The following ZNF536 variants were observed in gnomAD, a reference collection of about 807,000 sequenced individuals.
The protein encoded by ZNF536 is zinc finger protein 536.
In ZNF536, 13 loss-of-function variants were observed where a neutral mutation model predicts 84.5. The ratio of observed to expected loss-of-function variants is 0.15; its 90% CI spans 0.10 to 0.24. The LOEUF is 0.24. Among genes scored for constraint, ZNF536 ranks in the 10% least tolerant of loss-of-function variants. ZNF536 has a pLI of 1.00. For missense variants in ZNF536, 1,536 were observed against 1,747.5 expected, an observed-to-expected ratio of 0.88 and a Z score of 2.16; for synonymous variants, 811 against 742.5, an observed-to-expected ratio of 1.09 and a Z score of -1.50.
At chr19:30,522,507 T>G (rs958065640) in intron 2 of ZNF536, among the ~76,000 whole-genome samples, 1 of 148,900 alleles carries the variant, frequency 6.7e-6, no homozygotes, top group Non-Finnish European at 1.5e-5. Context: ...CACTGTTTAC[T>G]CTTCAATAAA....
intron 1 of ZNF536, among the ~76,000 whole-genome samples, chr19:30,251,381 G>GAA (rs1322319074): frequency 6.6e-6 from 1 of 152,122 alleles, no homozygotes; most frequent in East Asian, 1.9e-4. Flanking sequence ...ATGGCCTTAG[G>GAA]AAAAGAGCCA....
chr19:30,422,597 G>C (rs752389340), intron 1 of ZNF536, among the ~76,000 whole-genome samples: 1 of 152,082 alleles, frequency 6.6e-6, no homozygotes, highest in Non-Finnish European at 1.5e-5. Flanking sequence ...GAGGAGACTT[G>C]TCCAGGCTTA....
At chr19:30,227,808 C>T (rs2022703866), upstream of ZNF536, among the ~76,000 whole-genome samples, 1 of 151,748 alleles carries the variant, frequency 6.6e-6, no homozygotes, top group Non-Finnish European at 1.5e-5. Flanking sequence ...TTGCTGAGCG[C>T]ATCCGGCGGC....
intron 1 of ZNF536, among the ~76,000 whole-genome samples, chr19:30,250,350 C>T (rs7254263): frequency 0.29 from 44,395 of 152,046 alleles, 6,747 homozygotes; most frequent in East Asian, 0.4. Context: ...GGAACATATA[C>T]ATTAATAGGT....
intron 1 of ZNF536, among the ~76,000 whole-genome samples, chr19:30,634,458 T>C (rs950865349): frequency 6.6e-6 from 1 of 151,980 alleles, no homozygotes; most frequent in African/African-American, 2.4e-5. Flanking sequence ...CCTTGAGAAG[T>C]TCCTGCCATG....
chr19:30,550,127 T>G (rs942867823), intron 4 of ZNF536, among the ~76,000 whole-genome samples: 1 of 152,180 alleles, frequency 6.6e-6, no homozygotes, highest in Admixed American at 6.5e-5. Flanking sequence ...TGCCTTCTGT[T>G]TGTCTGTCTG....
intron 1 of ZNF536, among the ~76,000 whole-genome samples, chr19:30,431,194 C>A (rs1281045210): frequency 1.3e-5 from 2 of 152,180 alleles, no homozygotes; most frequent in Non-Finnish European, 2.9e-5. Context: ...GCCAGCTCCC[C>A]CAGAACCTGC....
chr19:30,598,866 T>C (rs1275069060), intron 1 of ZNF536, among the ~76,000 whole-genome samples: 5 of 152,158 alleles, frequency 3.3e-5, no homozygotes, highest in Admixed American at 6.5e-5. Flanking sequence ...TTCCTTCCCT[T>C]CTTCCTCACT....
chr19:30,454,158 G>C (rs1299362897), intron 2 of ZNF536, among the ~76,000 whole-genome samples: 1 of 152,234 alleles, frequency 6.6e-6, no homozygotes, highest in African/African-American at 2.4e-5. Flanking sequence ...GTGCCATGGG[G>C]CCCAGGGCAT....
intron 1 of ZNF536, among the ~76,000 whole-genome samples, chr19:30,416,747 C>T (rs1421348909): frequency 2.0e-5 from 3 of 152,166 alleles, no homozygotes; most frequent in East Asian, 1.9e-4. Context: ...CTGTGTCTTT[C>T]CAGGTCCCTG....
intron 1 of ZNF536, among the ~76,000 whole-genome samples, chr19:30,569,559 C>CTTTGTTTTT (rs2046467073): frequency 1.8e-5 from 1 of 55,106 alleles, no homozygotes; most frequent in Non-Finnish European, 3.3e-5. Flanking sequence ...GATAAACGTT[C>CTTTGTTTTT]TTTTTTTTTT....
chr19:30,496,963 A>C (rs942499410), intron 2 of ZNF536, among the ~76,000 whole-genome samples: 2 of 152,194 alleles, frequency 1.3e-5, no homozygotes, highest in African/African-American at 4.8e-5. Flanking sequence ...CCTCAGCTCC[A>C]GAGAAAGGGG....
At chr19:30,667,363 G>T (rs1315038192) in intron 1 of ZNF536, among the ~76,000 whole-genome samples, 1 of 152,204 alleles carries the variant, frequency 6.6e-6, no homozygotes, top group Admixed American at 6.5e-5. Flanking sequence ...GTTAGTGCCT[G>T]GTTGGCCCTT....
At chr19:30,345,906 G>A (rs1054980308) in intron 2 of ZNF536, among the ~76,000 whole-genome samples, 24 of 152,208 alleles carry the variant, frequency 1.6e-4, no homozygotes, top group African/African-American at 5.5e-4. Context: ...GGGACCGGGA[G>A]GCATCAGTCG....
intron 1 of ZNF536, among the ~76,000 whole-genome samples, chr19:30,603,859 G>T (rs537705864): frequency 4.6e-5 from 7 of 152,286 alleles, no homozygotes; most frequent in South Asian, 2.1e-4. Context: ...GGAGGCCTAG[G>T]GGGGTGGATC....
chr19:30,318,638 T>G (rs1417492085), intron 2 of ZNF536, among the ~76,000 whole-genome samples: 2 of 152,232 alleles, frequency 1.3e-5, no homozygotes, highest in African/African-American at 4.8e-5. Flanking sequence ...ACATTAGGTG[T>G]GTGTGTGTGC....
chr19:30,667,932 G>A (rs186662958), intron 1 of ZNF536, among the ~76,000 whole-genome samples: 1 of 152,242 alleles, frequency 6.6e-6, no homozygotes, highest in African/African-American at 2.4e-5. Context: ...CAGGCTCAGA[G>A]AGGTTAAGTA....
intron 1 of ZNF536, among the ~76,000 whole-genome samples, chr19:30,590,003 A>C (rs2047221582): frequency 6.6e-6 from 1 of 152,168 alleles, no homozygotes; most frequent in Non-Finnish European, 1.5e-5. Flanking sequence ...TGTTGATTAT[A>C]TTTAGAACCA....
intron 1 of ZNF536, among the ~76,000 whole-genome samples, chr19:30,666,221 C>G (rs1860947536): frequency 6.6e-6 from 1 of 152,220 alleles, no homozygotes; most frequent in African/African-American, 2.4e-5. Context: ...CCCAGCCCTC[C>G]CAGCAGCAGG....
Sources: allele counts gnomAD v4.1 joint callset (sites outside exome capture counted in the v4.1 genomes callset), GRCh38; gene constraint gnomAD v4.1.1; transcripts MANE v1.5; gene names NCBI Gene and HGNC (gene_info 2026-07-23, HGNC 2026-07-21).